The following HIPK2 variants were observed in gnomAD, a reference collection of about 807,000 sequenced individuals.
HIPK2 encodes homeodomain-interacting protein kinase 2.
HIPK2 carries 27 observed loss-of-function variants against 113.7 expected under a neutral mutation model. That is an observed-to-expected ratio of 0.24 (90% confidence interval 0.17 to 0.33). HIPK2 has a LOEUF of 0.33. Ranked by LOEUF, HIPK2 falls within the 10% of genes least tolerant of loss-of-function variation. The pLI is 1.00. For synonymous variants in HIPK2, 631 were observed against 642.2 expected (o/e 0.98, Z 0.26); for missense variants, 1,257 against 1,588.0 (o/e 0.79, Z 3.54).
chr7:139,763,896 G>A (rs548128077), intron 1 of HIPK2, among the ~76,000 whole-genome samples: 27 of 152,174 alleles, frequency 1.8e-4, no homozygotes, highest in Non-Finnish European at 3.2e-4. Context: ...CTATAAACAA[G>A]TACCCTTTCA....
intron 2 of HIPK2, among the ~76,000 whole-genome samples, chr7:139,671,583 G>A (rs931653079): frequency 1.3e-5 from 2 of 151,822 alleles, no homozygotes; most frequent in Admixed American, 6.6e-5. Context: ...AGAGTCTCTC[G>A]CTGTGCCACC....
chr7:139,691,869 A>G (rs948992744), intron 2 of HIPK2, among the ~76,000 whole-genome samples: 3 of 152,242 alleles, frequency 2.0e-5, no homozygotes, highest in Non-Finnish European at 4.4e-5. Flanking sequence ...TACCTCAAAA[A>G]TAAATAATAC....
intron 2 of HIPK2, among the ~76,000 whole-genome samples, chr7:139,668,080 C>T (rs1373852692): frequency 3.7e-5 from 5 of 135,894 alleles, no homozygotes; most frequent in Middle Eastern, 3.9e-3. Flanking sequence ...AAGCCGAGAT[C>T]AAACCATTGC....
Position 139,653,096 on chromosome 7 carries a change from G to A in HIPK2, c.1104-21371C>T, listed in dbSNP as rs529563220. On this transcript the variant is annotated intron_variant, in intron 2 of 14. Transcript: ENST00000406875. ...TGAGGTTGCAGTGAGCCGAGATCAC[G>A]CCACTGCTACTCCAGCCTGGGTGAC... is the stretch of plus-strand genomic sequence containing the variant. Among the ~76,000 whole-genome samples the A allele has an allele frequency of 1.1e-4, 4 of 36,506 alleles. No homozygotes were observed. The South Asian group carries it at 1.9e-3, about 17-fold the overall frequency. The allele number at this position is 36,506 out of a possible 152,430, so 23.9% of individuals were successfully genotyped here. A position where few individuals can be genotyped will look rare whatever the true frequency, so the allele number is the denominator to read the frequency against.
chr7:139,585,921 C>T (rs566816714), intron 12 of HIPK2, among the ~76,000 whole-genome samples: 35 of 152,160 alleles, frequency 2.3e-4, no homozygotes, highest in African/African-American at 8.2e-4. Flanking sequence ...GAGATCTACG[C>T]GGGGTACTAC....
intron 2 of HIPK2, among the ~76,000 whole-genome samples, chr7:139,715,296 C>T (rs973522449): frequency 2.0e-5 from 3 of 152,210 alleles, no homozygotes; most frequent in Non-Finnish European, 4.4e-5. Context: ...CCTGAAGTCA[C>T]CTTACCACAG....
At chr7:139,667,940 C>T (rs976427647) in intron 2 of HIPK2, among the ~76,000 whole-genome samples, 1 of 150,302 alleles carries the variant, frequency 6.7e-6, no homozygotes, top group African/African-American at 2.5e-5. Flanking sequence ...CCAGCCTGAC[C>T]AATATGATGA....
chr7:139,757,165 G>A (rs575182405), intron 1 of HIPK2, among the ~76,000 whole-genome samples: 2 of 152,244 alleles, frequency 1.3e-5, no homozygotes, highest in African/African-American at 2.4e-5. Flanking sequence ...TCAATCATTC[G>A]TTTTAATGTA....
chr7:139,680,171 C>T (rs1321243866), intron 2 of HIPK2, among the ~76,000 whole-genome samples: 1 of 152,202 alleles, frequency 6.6e-6, no homozygotes, highest in Non-Finnish European at 1.5e-5. Flanking sequence ...TCAAGTCACT[C>T]AGGGACACAG....
intron 2 of HIPK2, among the ~76,000 whole-genome samples, chr7:139,696,189 A>C (rs1794562373): frequency 6.6e-6 from 1 of 152,162 alleles, no homozygotes; most frequent in African/African-American, 2.4e-5. Context: ...GTAAATACAC[A>C]GTGGTAAGAT....
At chr7:139,582,894 G>A (rs887911768) in intron 13 of HIPK2, among the ~76,000 whole-genome samples, 1 of 152,200 alleles carries the variant, frequency 6.6e-6, no homozygotes, top group Non-Finnish European at 1.5e-5. Context: ...CCCTGAATGG[G>A]GCCTGCGCCC....
chr7:139,623,497 AAC>A (rs545533632), intron 6 of HIPK2, among the ~76,000 whole-genome samples: 2 of 147,766 alleles, frequency 1.4e-5, no homozygotes, highest in Non-Finnish European at 3.0e-5. Flanking sequence ...CAACCTGTGC[AAC>A]AGAGTGAGAC....
At chr7:139,745,898 T>C (rs1332552542) in intron 1 of HIPK2, among the ~76,000 whole-genome samples, 2 of 152,166 alleles carry the variant, frequency 1.3e-5, no homozygotes, top group African/African-American at 4.8e-5. Context: ...TCACAGCAAG[T>C]AGCAGCCACG....
At chr7:139,581,081 G>A (rs1036377792) in intron 13 of HIPK2, among the ~76,000 whole-genome samples, 5 of 152,254 alleles carry the variant, frequency 3.3e-5, no homozygotes, top group East Asian at 3.9e-4. Context: ...TTAGCCGGGC[G>A]TGGTGGTGCA....
intron 2 of HIPK2, among the ~76,000 whole-genome samples, chr7:139,643,719 G>A (rs1054980427): frequency 2.0e-5 from 3 of 152,110 alleles, no homozygotes; most frequent in Admixed American, 1.3e-4. Flanking sequence ...AAGCAAGAAG[G>A]GAAGGAAAGA....
chr7:139,732,751 A>C (rs1480831679), intron 1 of HIPK2, among the ~76,000 whole-genome samples: 1 of 146,462 alleles, frequency 6.8e-6, no homozygotes, highest in Non-Finnish European at 1.5e-5. Context: ...ATATATATAT[A>C]ACTATATATA....
At chr7:139,749,349 G>A (rs755938744) in intron 1 of HIPK2, among the ~76,000 whole-genome samples, 10 of 152,236 alleles carry the variant, frequency 6.6e-5, no homozygotes, top group Non-Finnish European at 1.3e-4. Flanking sequence ...TAAGACACAG[G>A]TGAATTACCT....
chr7:139,763,886 C>T (rs937695838), intron 1 of HIPK2, among the ~76,000 whole-genome samples: 5 of 152,232 alleles, frequency 3.3e-5, no homozygotes, highest in Non-Finnish European at 7.3e-5. Context: ...AGCTCTTATA[C>T]TATAAACAAG....
intron 2 of HIPK2, among the ~76,000 whole-genome samples, chr7:139,698,680 T>C (rs1308503575): frequency 4.6e-5 from 7 of 152,178 alleles, no homozygotes; most frequent in Admixed American, 4.6e-4. Context: ...CATGAAAGGA[T>C]TGGGCGATTT....
Sources: gnomAD v4.1 joint callset for allele counts (sites outside exome capture counted in the v4.1 genomes callset) on GRCh38, gnomAD v4.1.1 for gene constraint, MANE v1.5 for transcripts, NCBI Gene and HGNC (gene_info 2026-07-23, HGNC 2026-07-21) for gene names.